The following SDK1 variants were observed in gnomAD, a reference collection of about 807,000 sequenced individuals.
SDK1 encodes sidekick cell adhesion molecule 1.
Under a neutral mutation model 245.5 loss-of-function variants are expected in SDK1, and 157 were observed. That is an observed-to-expected ratio of 0.64 (90% CI 0.56 to 0.73). The LOEUF (loss-of-function observed/expected upper bound fraction) is 0.73. SDK1 is among the 30% of genes least tolerant of loss of function. SDK1 has a pLI of 0.00. For missense variants in SDK1, 3,583 were observed against 3,002.3 expected (o/e 1.19, Z -4.52); for synonymous variants, 1,647 against 1,278.5 (o/e 1.29, Z -6.15).
rs371210685 is a variant in SDK1 at position 3,704,432 on chromosome 7, T to A, written c.713+62327T>A. 9.9e-4 allele frequency among the ~76,000 whole-genome samples: 151 copies of A among 152,200 alleles called. 3 individuals carry two copies. Among genetic ancestry groups the A allele is most frequent in the African/African-American group, 3.2e-3 (133 of 41,548 alleles). On this transcript the variant is annotated intron_variant, in intron 4 of 44. Coordinates refer to ENST00000404826, the MANE Select transcript of SDK1 (RefSeq NM_152744.4). The stretch of plus-strand genomic sequence containing the variant: ...GTAAGGTGGCATCTCACTGTAGTTT[T>A]AATTTGCATTTCCCTGATGATTAGT...
chr7:4,069,882 G>C (rs1780135964), intron 20 of SDK1, among the ~76,000 whole-genome samples: 1 of 152,188 alleles, frequency 6.6e-6, no homozygotes, highest in South Asian at 2.1e-4. Flanking sequence ...TTAGGGTGGT[G>C]ACGTCCCACC....
chr7:4,074,202 A>C (rs1204603801), intron 20 of SDK1, among the ~76,000 whole-genome samples: 3 of 152,242 alleles, frequency 2.0e-5, no homozygotes, highest in South Asian at 4.2e-4. Flanking sequence ...ATCTTAGACT[A>C]AACTTCTTTG....
At chr7:3,420,426 A>G (rs1053929801) in intron 1 of SDK1, among the ~76,000 whole-genome samples, 5 of 152,212 alleles carry the variant, frequency 3.3e-5, no homozygotes, top group African/African-American at 9.6e-5. Context: ...TTTCAGAGCA[A>G]TAATCATTTT....
intron 1 of SDK1, among the ~76,000 whole-genome samples, chr7:3,397,818 C>G (rs933020245): frequency 2.6e-5 from 4 of 152,068 alleles, no homozygotes; most frequent in Middle Eastern, 3.2e-3. Flanking sequence ...CCTCTTCTTG[C>G]ATGTTTTACA....
chr7:3,491,300 A>C (rs767006398), intron 1 of SDK1, among the ~76,000 whole-genome samples: 1 of 152,188 alleles, frequency 6.6e-6, no homozygotes, highest in Non-Finnish European at 1.5e-5. Flanking sequence ...AAGACTATGA[A>C]TAATACTCAG....
intron 1 of SDK1, among the ~76,000 whole-genome samples, chr7:3,379,532 G>C (rs961004460): frequency 1.3e-5 from 2 of 152,052 alleles, no homozygotes; most frequent in Non-Finnish European, 2.9e-5. Context: ...AGGGGAACGG[G>C]GTCTGCCAGC....
intron 14 of SDK1, among the ~76,000 whole-genome samples, chr7:3,989,927 G>A (rs1408481054): frequency 2.0e-5 from 3 of 152,202 alleles, no homozygotes; most frequent in South Asian, 4.1e-4. Flanking sequence ...AACTGCCCAG[G>A]GTCACATGGC....
In SDK1 at chr7:4,051,650, C is replaced by G. The variant is rs753162406; in HGVS notation, c.2731C>G (p.Pro911Ala). The G allele has an allele frequency of 3.1e-6, 5 of 1,610,444 alleles. No homozygotes were observed. In the South Asian group the frequency reaches 5.5e-5, roughly 18 times the overall value. The change falls in exon 19 of 45, where the codon CCG becomes GCG. Residue 911 changes from proline (P) to alanine (A), a missense_variant. Physicochemically the swap from Pro to Ala is conservative, Grantham distance 27. Coordinates refer to ENST00000404826, the MANE Select transcript of SDK1 (RefSeq NM_152744.4). ...TGTTCCATCTCAGCTTCTGGCATGG[C>G]CGGCAGATGCCCCCGAGGCTGTCAC... ...INQGYKLLAW[P>A]ADAPEAVTVV...
intron 14 of SDK1, among the ~76,000 whole-genome samples, chr7:4,001,138 G>A (rs1056336745): frequency 2.4e-4 from 37 of 152,168 alleles, no homozygotes; most frequent in Admixed American, 8.5e-4. Context: ...GTGACCGCAC[G>A]GTGCGGAATA....
intron 5 of SDK1, among the ~76,000 whole-genome samples, chr7:3,855,349 C>T (rs2115108763): frequency 6.6e-6 from 1 of 151,966 alleles, no homozygotes; most frequent in South Asian, 2.1e-4. Flanking sequence ...CTGAATAGAA[C>T]AAGCAGAAGA....
chr7:3,889,735 C>G (rs538483745), intron 5 of SDK1, among the ~76,000 whole-genome samples: 1 of 152,158 alleles, frequency 6.6e-6, no homozygotes, highest in Non-Finnish European at 1.5e-5. Flanking sequence ...GTCTCAATCT[C>G]CTGACCTCGT....
chr7:4,079,346 C>CT (rs138579749), intron 21 of SDK1, 117 bp from the exon 22 acceptor site: 273,842 of 1,252,428 alleles, frequency 0.22, 37,327 homozygotes, highest in African/African-American at 0.61. Flanking sequence ...AGAGCAAATC[C>CT]TTTTTTGGTA....
intron 4 of SDK1, among the ~76,000 whole-genome samples, chr7:3,721,268 G>A (rs1369093775): frequency 1.3e-5 from 2 of 152,190 alleles, no homozygotes; most frequent in Admixed American, 6.5e-5. Context: ...TGCAGGCACT[G>A]CTGGTGTCAT....
chr7:3,516,172 T>C lies in SDK1; in HGVS notation c.299-102908T>C, dbSNP rs187819336. On this transcript the variant is annotated intron_variant, in intron 1 of 44. Coordinates refer to ENST00000404826, the MANE Select transcript of SDK1 (RefSeq NM_152744.4). Reference sequence around the variant, plus strand: ...ATACATTTGCATGTATATAAACATATATACATGCACATACATTTACACACC... The same window carrying C: ...ATACATTTGCATGTATATAAACATACATACATGCACATACATTTACACACC... 2.1e-3 allele frequency among the ~76,000 whole-genome samples: 319 copies of C among 151,598 alleles called. 1 individual carries two copies. The highest frequency in any genetic ancestry group is 7.3e-3 in the African/African-American group (302 of 41,368).
At chr7:3,426,206 C>T (rs542269358) in intron 1 of SDK1, among the ~76,000 whole-genome samples, 7 of 152,226 alleles carry the variant, frequency 4.6e-5, no homozygotes, top group South Asian at 2.1e-4. Flanking sequence ...AGTGCTGGTC[C>T]TGTAGTGCAG....
intron 42 of SDK1, among the ~76,000 whole-genome samples, chr7:4,239,821 T>C (rs1786410111): frequency 6.6e-6 from 1 of 152,180 alleles, no homozygotes. Context: ...GGGTCTTCTC[T>C]TTTTGGAAAG....
chr7:3,673,975 T>C (rs531754711), intron 4 of SDK1, among the ~76,000 whole-genome samples: 2 of 152,204 alleles, frequency 1.3e-5, no homozygotes, highest in Non-Finnish European at 2.9e-5. Context: ...TAATTTCTAA[T>C]AACTTTTTGG....
chr7:4,035,598 A>G (rs796985581), intron 17 of SDK1, among the ~76,000 whole-genome samples: 12 of 152,306 alleles, frequency 7.9e-5, no homozygotes, highest in African/African-American at 2.4e-4. Context: ...TGTCTTTGGG[A>G]AATGAGATTT....
At chr7:4,142,769 C>A (rs990326310) in intron 28 of SDK1, among the ~76,000 whole-genome samples, 17 of 152,230 alleles carry the variant, frequency 1.1e-4, no homozygotes, top group African/African-American at 4.1e-4. Context: ...GGCTGCTTTG[C>A]ACTCTTTACC....
Sources: allele counts gnomAD v4.1 joint callset (sites outside exome capture counted in the v4.1 genomes callset), GRCh38; gene constraint gnomAD v4.1.1; transcripts MANE v1.5; gene names NCBI Gene and HGNC (gene_info 2026-07-23, HGNC 2026-07-21).